MYLK: variants seen among roughly 807,000 people sequenced by gnomAD.
MYLK encodes myosin light chain kinase.
MYLK carries 106 observed loss-of-function variants against 203.4 expected under a neutral mutation model. That is an observed-to-expected ratio of 0.52 (90% CI 0.45 to 0.61). The LOEUF is 0.61. Among genes scored for constraint, MYLK ranks in the 20% least tolerant of loss-of-function variants. MYLK has a pLI of 0.00. For synonymous variants in MYLK, 867 were observed against 959.5 expected (o/e 0.90, Z 1.78); for missense variants, 2,072 against 2,442.3 (o/e 0.85, Z 3.20).
intron 27 of MYLK, among the ~76,000 whole-genome samples, chr3:123,645,921 A>T (rs2108164804): frequency 6.6e-6 from 1 of 152,304 alleles, no homozygotes; most frequent in Middle Eastern, 3.4e-3. Context: ...AGGCAGATGG[A>T]TCGCTTGAGC....
intron 1 of MYLK, among the ~76,000 whole-genome samples, chr3:123,880,394 C>A (rs899810606): frequency 1.3e-5 from 2 of 152,020 alleles, no homozygotes; most frequent in African/African-American, 4.8e-5. Context: ...TCGGTTCCCC[C>A]AAAGATTATG....
At chr3:123,861,969 C>T (rs988954378) in intron 2 of MYLK, among the ~76,000 whole-genome samples, 1 of 152,198 alleles carries the variant, frequency 6.6e-6, no homozygotes, top group African/African-American at 2.4e-5. Flanking sequence ...TGCTTGCTGT[C>T]AGGGAGCTCT....
At chr3:123,667,429 C>A (rs1285577167) in intron 20 of MYLK, among the ~76,000 whole-genome samples, 1 of 151,870 alleles carries the variant, frequency 6.6e-6, no homozygotes. Context: ...TGGTGAAACC[C>A]CATCTCTACT....
intron 2 of MYLK, among the ~76,000 whole-genome samples, chr3:123,847,857 TTCTTG>T (rs1337096486): frequency 5.9e-5 from 9 of 152,110 alleles, no homozygotes; most frequent in Admixed American, 1.3e-4. Flanking sequence ...TCTTGTGTTC[TTCTTG>T]TCTTATTTGG....
rs13319347 is a variant in MYLK at position 123,733,997 on chromosome 3, C to A, written c.999G>T (p.Pro333=). 210 of 1,614,208 alleles carry A rather than the reference C, an allele frequency of 1.3e-4. 3 individuals carry two copies. The South Asian group carries it at 2.2e-3, about 17-fold the overall frequency. The change falls in exon 10 of 34, where the codon CCG becomes CCT. Residue 333 remains proline (P), a synonymous_variant. Transcript: ENST00000360304. ...AAGTCTTCTGAAGGACCGGGGTCTG[C>A]GGGGCCGTTCTGGGCGAGTCCTTGC... ...ESCKDSPRTA[P]QTPVLQKTSS...
rs1031889654 is a variant in MYLK, at chr3:123,640,766, T to G, written c.4620-262A>C. Among the ~76,000 whole-genome samples, 26 of 152,220 alleles carry G rather than the reference T, an allele frequency of 1.7e-4. No individual in the cohort carries two copies. Among genetic ancestry groups the G allele is most frequent in the African/African-American group, 6.0e-4 (25 of 41,570 alleles). ...CATCTACACTAGGCAGTTTCAGAGG[T>G]GGGTGTGAACACAGAGATCCAGACA... On this transcript the variant is annotated intron_variant, in intron 27 of 33. Coordinates refer to ENST00000360304, the MANE Select transcript of MYLK (RefSeq NM_053025.4). The surrounding 1 kb of genome is among the most constrained non-coding windows in gnomAD (Gnocchi z 4.3).
chr3:123,847,058 T>A (rs867796663), intron 2 of MYLK, among the ~76,000 whole-genome samples: 1 of 152,128 alleles, frequency 6.6e-6, no homozygotes, highest in Non-Finnish European at 1.5e-5. Flanking sequence ...ATCCAAAATA[T>A]ATTTTTTAAA....
chr3:123,833,538 G>T (rs1293268999), intron 2 of MYLK, among the ~76,000 whole-genome samples: 1 of 152,024 alleles, frequency 6.6e-6, no homozygotes, highest in Admixed American at 6.6e-5. Flanking sequence ...CCATGCACAC[G>T]GGAGGCCCCT....
rs1382422304 is a variant in MYLK, at chr3:123,610,057, C to G, written c.*4048G>C. 1 of 152,132 alleles carries G rather than the reference C, an allele frequency of 6.6e-6. No individual in the cohort carries two copies. The highest frequency in any genetic ancestry group is 1.5e-5 in the Non-Finnish European group (1 of 68,028). 9.4% of individuals were successfully genotyped at this position (152,132 alleles called of 1,614,324 possible). ...ATTAAGAACAACAACACTTGAGTAT[C>G]GAGACTATATTATCCAATACAATTG... On this transcript the variant is annotated 3_prime_UTR_variant, in exon 34 of 34. Coordinates refer to ENST00000360304, the MANE Select transcript of MYLK (RefSeq NM_053025.4).
At chr3:123,832,372 T>G (rs1003277268) in intron 2 of MYLK, among the ~76,000 whole-genome samples, 1 of 152,220 alleles carries the variant, frequency 6.6e-6, no homozygotes, top group Non-Finnish European at 1.5e-5. Flanking sequence ...CTACAGTAAG[T>G]AGCAATTCCA....
chr3:123,763,844 C>G (rs2063616026), intron 4 of MYLK, among the ~76,000 whole-genome samples: 1 of 152,180 alleles, frequency 6.6e-6, no homozygotes, highest in South Asian at 2.1e-4. Context: ...ACTGGCAATG[C>G]ATGTCTTTCA....
chr3:123,737,491 C>T lies in MYLK; in HGVS notation c.641G>A (p.Gly214Asp). 6.2e-7 allele frequency: 1 copy of T among 1,614,222 alleles called. No individual in the cohort carries two copies. The highest frequency in any genetic ancestry group is 8.5e-7 in the Non-Finnish European group (1 of 1,180,042). ...TCCATGGATTTCCAGAACCTGCATG[C>T]CGTTCTTCTCAGACACAGACACACG... ...SARVSVSEKN[G>D]MQVLEIHGVN... The change falls in exon 8 of 34, where the codon GGC becomes GAC. Residue 214 changes from glycine (G) to aspartate (D), a missense_variant. By Grantham distance (94) the Gly-to-Asp change is moderately conservative. Transcript: ENST00000360304.
At position 123,834,716 on chromosome 3, in the gene MYLK, C is replaced by T. The variant is rs1010065747; in HGVS notation, c.-126-3046G>A. 9.9e-5 allele frequency among the ~76,000 whole-genome samples: 15 copies of T among 152,236 alleles called. No homozygotes were observed. The South Asian group carries it at 1.0e-3, about 11-fold the overall frequency. ...AAAGCATTTTGTCTTGCCTAAAATG[C>T]TAATAGCACCACTGGAGAGAAACAC... On this transcript the variant is annotated intron_variant, in intron 2 of 33. Coordinates refer to ENST00000360304, the MANE Select transcript of MYLK (RefSeq NM_053025.4).
chr3:123,649,133 C>G lies in MYLK; in HGVS notation c.4321+29G>C, dbSNP rs764701573. ...CACTCAGCCCCCTCCACCCCAAGAGCCTGACCCGAAGACAGGGGCTGCACT... is the reference window on the plus strand; with the variant it reads ...CACTCAGCCCCCTCCACCCCAAGAGGCTGACCCGAAGACAGGGGCTGCACT... On this transcript the variant is annotated intron_variant, in intron 25 of 33. Coordinates refer to ENST00000360304, the MANE Select transcript of MYLK (RefSeq NM_053025.4). 7 of 1,614,014 alleles carry G rather than the reference C, an allele frequency of 4.3e-6. No individual in the cohort carries two copies. The South Asian group carries it at 7.7e-5, about 18-fold the overall frequency.
rs759929158 is a variant in MYLK at position 123,700,814 on chromosome 3, T to G, written c.2654A>C (p.Glu885Ala). 9 of 1,614,046 alleles carry G rather than the reference T, an allele frequency of 5.6e-6. No individual in the cohort carries two copies. Among genetic ancestry groups the G allele is most frequent in the Non-Finnish European group, 7.6e-6 (9 of 1,180,040 alleles). The part of the protein sequence containing the change: ...RRVETRQHTE[E>A]AIRQQEVEQL... ...CTCCACCTCCTGCTGGCGGATCGCC[T>G]CCTCAGTGTGCTGCCTCGTCTCCAC... is the stretch of plus-strand genomic sequence containing the variant. Residue 885 changes from glutamate (E) to alanine (A), a missense_variant, in exon 18 of 34, where the codon GAG becomes GCG. This residue lies in a region of MYLK where 865 missense variants were observed against 1,016.0 expected (regional missense o/e 0.85). Coordinates refer to ENST00000360304, the MANE Select transcript of MYLK (RefSeq NM_053025.4).
intron 4 of MYLK, among the ~76,000 whole-genome samples, chr3:123,776,764 T>G (rs369362990): frequency 1.3e-5 from 2 of 152,196 alleles, no homozygotes; most frequent in South Asian, 2.1e-4. Context: ...GGTAGTATTA[T>G]CCCCATTTTA....
intron 4 of MYLK, among the ~76,000 whole-genome samples, chr3:123,791,480 G>T (rs1348289506): frequency 1.3e-5 from 2 of 152,226 alleles, no homozygotes; most frequent in Non-Finnish European, 2.9e-5. Flanking sequence ...CTTGCAGCAT[G>T]CTAGCTTCCA....
At position 123,734,727 on chromosome 3, in the gene MYLK, G is replaced by A. The variant is rs531034484; in HGVS notation, c.774-505C>T. 114 of 158,388 alleles carry A rather than the reference G, an allele frequency of 7.2e-4. 2 individuals carry two copies. In the South Asian group the frequency reaches 0.014, roughly 20 times the overall value. 9.8% of individuals were successfully genotyped at this position (158,388 alleles called of 1,614,324 possible). A position where few individuals can be genotyped will look rare whatever the true frequency, so the allele number is the denominator to read the frequency against. ...ATTGGCCTGCCATTCACCAGGCTGC[G>A]GCCACACTGGCGTCCTTCTGGGTCC... On this transcript the variant is annotated intron_variant, in intron 9 of 33. Transcript: ENST00000360304.
chr3:123,767,222 G>T (rs543148743), intron 4 of MYLK, among the ~76,000 whole-genome samples: 5 of 152,208 alleles, frequency 3.3e-5, no homozygotes, highest in Admixed American at 1.3e-4. Context: ...GAAGCCTGCA[G>T]GTAGGGCTTG....
Sources: allele counts gnomAD v4.1 joint callset (sites outside exome capture counted in the v4.1 genomes callset), GRCh38; gene constraint gnomAD v4.1.1; regional missense constraint gnomAD v4.1.1; non-coding constraint Gnocchi (gnomAD v3.1); transcripts MANE v1.5; gene names NCBI Gene and HGNC (gene_info 2026-07-23, HGNC 2026-07-21).